GUCY2F: variants seen among roughly 807,000 people sequenced by gnomAD.
The protein encoded by GUCY2F is retinal guanylyl cyclase 2.
Under a neutral mutation model 73.1 loss-of-function variants are expected in GUCY2F, and 61 were observed. That is an observed-to-expected ratio of 0.83 (90% CI 0.68 to 1.03). The LOEUF (loss-of-function observed/expected upper bound fraction) is 1.03. Ranked by LOEUF, GUCY2F falls within the 50% of genes least tolerant of loss-of-function variation. The probability of loss-of-function intolerance (pLI) is 0.00; values close to 1 mark genes in which losing one functional copy is unlikely to be tolerated. For missense variants in GUCY2F, 912 were observed against 854.3 expected, an observed-to-expected ratio of 1.07 and a Z score of -0.84; for synonymous variants, 331 against 307.8, an observed-to-expected ratio of 1.08 and a Z score of -0.79.
chrX:109,423,603 G>A (rs1184611712), intron 8 of GUCY2F, among the ~76,000 whole-genome samples: 2 of 103,607 alleles, frequency 1.9e-5, no homozygotes, highest in African/African-American at 3.5e-5. Flanking sequence ...GTTTGGTAGC[G>A]ATGGGGTCTC....
intron 8 of GUCY2F, among the ~76,000 whole-genome samples, chrX:109,429,711 G>C (rs113791933): frequency 0.018 from 2,036 of 112,124 alleles, 44 homozygotes; most frequent in African/African-American, 0.062. Context: ...GTCTAAGGAG[G>C]AGCCAAGATT....
Position 109,444,798 on chromosome X carries a change from A to G in GUCY2F, c.1569+3271T>C, listed in dbSNP as rs565642990. The stretch of plus-strand genomic sequence containing the variant: ...AGTTATAGCCGATTGTCATGATGAG[A>G]TCCAAGGTTGACAGATCTTAAAACT... On this transcript the variant is annotated intron_variant, in intron 6 of 19. Transcript: ENST00000218006. Among the ~76,000 whole-genome samples the G allele has an allele frequency of 1.2e-4, 14 of 112,203 alleles. No individual in the cohort carries two copies. In the South Asian group the frequency reaches 5.2e-3, roughly 41 times the overall value.
At chrX:109,436,164 G>T (rs1331185269) in intron 7 of GUCY2F, among the ~76,000 whole-genome samples, 1 of 112,131 alleles carries the variant, frequency 8.9e-6, no homozygotes, top group Non-Finnish European at 1.9e-5. Context: ...CATTTATGCA[G>T]CCAAAAGACA....
At chrX:109,405,046 AC>A (rs1930940749) in intron 9 of GUCY2F, among the ~76,000 whole-genome samples, 1 of 112,412 alleles carries the variant, frequency 8.9e-6, no homozygotes, top group African/African-American at 3.2e-5. Flanking sequence ...TCAATAAGGG[AC>A]TGGCTAGAGT....
chrX:109,396,771 G>A (rs990842622), intron 11 of GUCY2F, among the ~76,000 whole-genome samples: 1 of 112,479 alleles, frequency 8.9e-6, no homozygotes, highest in East Asian at 2.8e-4. Flanking sequence ...CACACATTCT[G>A]TTCCTTTAAC....
chrX:109,473,758 G>A (rs1932621313), intron 2 of GUCY2F, among the ~76,000 whole-genome samples: 1 of 111,999 alleles, frequency 8.9e-6, no homozygotes, highest in African/African-American at 3.2e-5. Context: ...AGGCCAAAAT[G>A]TCATTTCAAA....
intron 7 of GUCY2F, among the ~76,000 whole-genome samples, chrX:109,433,474 G>A (rs970769279): frequency 8.9e-6 from 1 of 112,053 alleles, no homozygotes; most frequent in African/African-American, 3.2e-5. Flanking sequence ...CCTCTCGTTA[G>A]GCTTTCTTTG....
At chrX:109,401,124 C>T (rs1200111448) in intron 10 of GUCY2F, among the ~76,000 whole-genome samples, 1 of 112,089 alleles carries the variant, frequency 8.9e-6, no homozygotes, top group African/African-American at 3.2e-5. Flanking sequence ...CTTATATAAT[C>T]GAGAGTGGAC....
At chrX:109,437,890 A>G (rs768278985) in intron 7 of GUCY2F, among the ~76,000 whole-genome samples, 5 of 112,622 alleles carry the variant, frequency 4.4e-5, no homozygotes, top group Non-Finnish European at 9.4e-5. Context: ...ACCCTATCTT[A>G]GGTCTTTGAG....
intron 2 of GUCY2F, among the ~76,000 whole-genome samples, chrX:109,466,351 C>T (rs779475285): frequency 1.8e-5 from 2 of 111,309 alleles, no homozygotes; most frequent in Non-Finnish European, 3.8e-5. Flanking sequence ...TAAGGACGTA[C>T]TCTGTGTAAT....
chrX:109,396,402 C>T lies in GUCY2F; in HGVS notation c.2276-913G>A, dbSNP rs1323673503. On this transcript the variant is annotated intron_variant, in intron 11 of 19. Coordinates refer to ENST00000218006, the MANE Select transcript of GUCY2F (RefSeq NM_001522.3). The stretch of plus-strand genomic sequence containing the variant: ...TATCCCCAGCAACCCACACTGGGGC[C>T]TCAAACTGATCTCTCTGCTTCCAGC... Among the ~76,000 whole-genome samples the T allele has an allele frequency of 2.7e-5, 3 of 111,416 alleles. No homozygotes were observed. In the East Asian group the frequency reaches 8.5e-4, roughly 32 times the overall value.
chrX:109,476,082 G>A (rs1932689022), intron 1 of GUCY2F, 61 bp from the exon 2 acceptor site: 1 of 467,651 alleles, frequency 2.1e-6, no homozygotes, highest in Non-Finnish European at 3.2e-6. Context: ...GGAAATCATC[G>A]GTTGTGAAAG....
intron 8 of GUCY2F, among the ~76,000 whole-genome samples, chrX:109,410,440 C>A (rs912746725): frequency 8.9e-6 from 1 of 112,257 alleles, no homozygotes; most frequent in African/African-American, 3.2e-5. Flanking sequence ...AACATCAGGC[C>A]AGAGCTTATA....
chrX:109,444,646 C>T (rs1931956751), intron 6 of GUCY2F, among the ~76,000 whole-genome samples: 1 of 111,517 alleles, frequency 9.0e-6, no homozygotes, highest in Non-Finnish European at 1.9e-5. Flanking sequence ...CCTAGGACAC[C>T]TCGCCTATGG....
rs1272196919 is a variant in GUCY2F, at chrX:109,428,539, A to AGCATGTCTTTTT, written c.1791+1767_1791+1768insAAAAAGACATGC. 1.8e-3 allele frequency among the ~76,000 whole-genome samples: 199 copies of AGCATGTCTTTTT among 112,222 alleles called. 1 individual carries two copies. The highest frequency in any genetic ancestry group is 3.3e-3 in the Non-Finnish European group (174 of 53,215). On this transcript the variant is annotated intron_variant, in intron 8 of 19. Coordinates refer to ENST00000218006, the MANE Select transcript of GUCY2F (RefSeq NM_001522.3). Reference sequence around the variant, plus strand: ...CCGTTACAGATTAAAAGCAACTAAAAAGATATGACAGCAAACTGAATGTGT... The same window carrying AGCATGTCTTTTT: ...CCGTTACAGATTAAAAGCAACTAAAAGCATGTCTTTTTAGATATGACAGCAAACTGAATGTGT...
At chrX:109,408,747 T>C (rs1301444968) in intron 9 of GUCY2F, among the ~76,000 whole-genome samples, 1 of 111,685 alleles carries the variant, frequency 9.0e-6, no homozygotes, top group Non-Finnish European at 1.9e-5. Flanking sequence ...CACCACCATA[T>C]AAGAAGTGCC....
chrX:109,389,649 G>A (rs1043068903), intron 14 of GUCY2F, among the ~76,000 whole-genome samples: 12 of 111,756 alleles, frequency 1.1e-4, no homozygotes, highest in South Asian at 3.7e-4. Flanking sequence ...TAAAAACTTC[G>A]TAGGGTTTTC....
intron 8 of GUCY2F, among the ~76,000 whole-genome samples, chrX:109,419,421 C>T (rs181522721): frequency 6.7e-4 from 74 of 110,525 alleles, no homozygotes; most frequent in African/African-American, 2.2e-3. Context: ...TGTAATTCAC[C>T]ATGTTAACAG....
At chrX:109,463,594 C>T (rs1030914205) in intron 3 of GUCY2F, among the ~76,000 whole-genome samples, 6 of 110,019 alleles carry the variant, frequency 5.5e-5, no homozygotes, top group Admixed American at 1.9e-4. Flanking sequence ...CCCGCCACCA[C>T]GCCCGGCTAA....
Sources: gnomAD v4.1 joint callset for allele counts (sites outside exome capture counted in the v4.1 genomes callset) on GRCh38, gnomAD v4.1.1 for gene constraint, MANE v1.5 for transcripts, NCBI Gene and HGNC (gene_info 2026-07-23, HGNC 2026-07-21) for gene names.